Variants in PLS1 observed in about 807,000 individuals in gnomAD.
PLS1 encodes plastin-1.
A neutral mutation model predicts 73.7 loss-of-function variants in PLS1; 32 were observed. The observed-to-expected ratio is 0.43, with a 90% confidence interval of 0.33 to 0.58. The LOEUF is 0.58. Ranked by LOEUF, PLS1 falls within the 20% of genes least tolerant of loss-of-function variation. The probability of loss-of-function intolerance (pLI) is 0.04; values close to 1 mark genes in which losing one functional copy is unlikely to be tolerated. For synonymous variants in PLS1, 217 were observed against 261.3 expected (o/e 0.83, Z 1.63); for missense variants, 633 against 740.5 (o/e 0.85, Z 1.68).
intron 14 of PLS1, among the ~76,000 whole-genome samples, chr3:142,709,392 CTT>C (rs1347284740): frequency 6.6e-6 from 1 of 152,188 alleles, no homozygotes; most frequent in Non-Finnish European, 1.5e-5. Context: ...CCCTCTCTCT[CTT>C]ACCCCTGCCC....
intron 1 of PLS1, among the ~76,000 whole-genome samples, chr3:142,614,510 C>G (rs940384736): frequency 1.3e-5 from 2 of 152,160 alleles, no homozygotes; most frequent in East Asian, 1.9e-4. Flanking sequence ...GCAGTATTGC[C>G]AGACATTCTG....
At chr3:142,698,110 T>C in intron 12 of PLS1, 43 bp downstream of exon 12, 1 of 1,132,528 alleles carries the variant, frequency 8.8e-7, no homozygotes, top group Non-Finnish European at 1.3e-6. Context: ...ATTGTTCTGA[T>C]ATGAAACAAA....
At chr3:142,668,633 G>T (rs370990648) in intron 2 of PLS1, among the ~76,000 whole-genome samples, 32 of 148,580 alleles carry the variant, frequency 2.2e-4, no homozygotes, top group African/African-American at 7.0e-4. Flanking sequence ...ATGGAGTCTC[G>T]CTTTGTTGCC....
intron 6 of PLS1, among the ~76,000 whole-genome samples, chr3:142,683,282 A>T (rs1375353152): frequency 6.6e-6 from 1 of 152,214 alleles, no homozygotes. Flanking sequence ...AGGCGGGCAG[A>T]TTACGAGGTC....
intron 3 of PLS1, among the ~76,000 whole-genome samples, chr3:142,670,569 G>C (rs1439112814): frequency 1.3e-5 from 2 of 152,188 alleles, no homozygotes. Context: ...GAGAGTGATT[G>C]GGAAAGGGAG....
intron 14 of PLS1, among the ~76,000 whole-genome samples, chr3:142,707,267 A>G (rs2038481623): frequency 6.6e-6 from 1 of 152,216 alleles, no homozygotes; most frequent in South Asian, 2.1e-4. Context: ...GAAGGCTATA[A>G]TAAGTGGCAC....
chr3:142,694,648 AT>A, intron 11 of PLS1, 101 bp downstream of exon 11: 1 of 622,442 alleles, frequency 1.6e-6, no homozygotes. Flanking sequence ...AGTTGCAAGA[AT>A]TTTAGCCAAT....
In PLS1 at chr3:142,635,624, A is replaced by G. The variant is rs563168822; in HGVS notation, c.-36-28578A>G. ...TTTGTCTCAAAAAAAATGTTTGAAT[A>G]GAGATATAACATGGTGATGAACTCT... On this transcript the variant is annotated intron_variant, in intron 1 of 15. Coordinates refer to ENST00000457734, the MANE Select transcript of PLS1 (RefSeq NM_001145319.2). Among the ~76,000 whole-genome samples the G allele has an allele frequency of 3.9e-5, 6 of 152,240 alleles. No homozygotes were observed. In the South Asian group the frequency reaches 1.2e-3, roughly 32 times the overall value.
intron 1 of PLS1, among the ~76,000 whole-genome samples, chr3:142,649,358 A>G (rs1020676886): frequency 3.1e-5 from 4 of 128,820 alleles, no homozygotes; most frequent in African/African-American, 1.1e-4. Flanking sequence ...AAAAAAGGCC[A>G]GGCATGGTGG....
intron 1 of PLS1, among the ~76,000 whole-genome samples, chr3:142,627,579 T>G (rs1459659726): frequency 2.0e-5 from 3 of 152,160 alleles, no homozygotes; most frequent in Non-Finnish European, 4.4e-5. Context: ...TCAGTAGACT[T>G]GAATTATGGT....
intron 1 of PLS1, among the ~76,000 whole-genome samples, chr3:142,646,943 T>C (rs2036964235): frequency 6.6e-6 from 1 of 152,206 alleles, no homozygotes; most frequent in African/African-American, 2.4e-5. Flanking sequence ...AATTCCTTCT[T>C]AGAAAGCATG....
Position 142,711,928 on chromosome 3 carries a change from A to G in PLS1, c.1811A>G (p.Asp604Gly), listed in dbSNP as rs764235919. The change falls in exon 16 of 16, where the codon GAC becomes GGC. Residue 604 changes from aspartate (D) to glycine (G), a missense_variant. By Grantham distance (94) the Asp-to-Gly change is moderately conservative. Transcript: ENST00000457734. ...IGARIYALPD[D>G]LVEVKPKMVM... is the part of the protein sequence containing the mutation. Reference sequence around the variant, plus strand: ...GCCCGGATATATGCATTACCTGATGACCTCGTAGAAGTGAAACCAAAGATG... The same window carrying G: ...GCCCGGATATATGCATTACCTGATGGCCTCGTAGAAGTGAAACCAAAGATG... 21 of 1,613,154 alleles carry G rather than the reference A, an allele frequency of 1.3e-5. No individual in the cohort carries two copies. In the East Asian group the frequency reaches 4.2e-4, roughly 33 times the overall value.
chr3:142,675,516 G>T (rs968624314), intron 4 of PLS1, among the ~76,000 whole-genome samples: 1 of 152,164 alleles, frequency 6.6e-6, no homozygotes, highest in Non-Finnish European at 1.5e-5. Context: ...CCAAGTAGCT[G>T]GGATTACAGG....
intron 1 of PLS1, among the ~76,000 whole-genome samples, chr3:142,663,468 C>G (rs150879237): frequency 1.3e-5 from 2 of 152,078 alleles, no homozygotes; most frequent in East Asian, 3.9e-4. Context: ...AAGGCCAAGA[C>G]AGGAGGACTG....
intron 1 of PLS1, among the ~76,000 whole-genome samples, chr3:142,652,250 G>A (rs1292407299): frequency 6.6e-6 from 1 of 152,140 alleles, no homozygotes; most frequent in Non-Finnish European, 1.5e-5. Context: ...CCCAATGTTG[G>A]ATTTAGAGAA....
chr3:142,599,763 TTTA>T (rs2035882050), intron 1 of PLS1, among the ~76,000 whole-genome samples: 1 of 151,984 alleles, frequency 6.6e-6, no homozygotes, highest in African/African-American at 2.4e-5. Flanking sequence ...TATTTATTTA[TTTA>T]TTTTTTGAGA....
intron 1 of PLS1, among the ~76,000 whole-genome samples, chr3:142,633,004 A>G (rs934562995): frequency 2.6e-5 from 4 of 152,246 alleles, no homozygotes; most frequent in Non-Finnish European, 4.4e-5. Context: ...AAGTGACTAT[A>G]TGAAGGAAAT....
chr3:142,644,763 G>A (rs750027884), intron 1 of PLS1, among the ~76,000 whole-genome samples: 2 of 152,262 alleles, frequency 1.3e-5, no homozygotes, highest in South Asian at 2.1e-4. Context: ...TGAGGGTAAC[G>A]TCATCTAATA....
At chr3:142,618,953 G>A (rs1240005490) in intron 1 of PLS1, among the ~76,000 whole-genome samples, 1 of 152,122 alleles carries the variant, frequency 6.6e-6, no homozygotes, top group African/African-American at 2.4e-5. Flanking sequence ...AGACATCTTT[G>A]GGGGACAGGG....
Sources: allele counts gnomAD v4.1 joint callset (sites outside exome capture counted in the v4.1 genomes callset), GRCh38; gene constraint gnomAD v4.1.1; transcripts MANE v1.5; gene names NCBI Gene and HGNC (gene_info 2026-07-23, HGNC 2026-07-21).